The following ZDHHC2 variants were observed in gnomAD, a reference collection of about 807,000 sequenced individuals.
ZDHHC2 encodes zDHHC palmitoyltransferase 2, also known as palmitoyltransferase ZDHHC2.
ZDHHC2 carries 51 observed loss-of-function variants against 55.6 expected under a neutral mutation model. The ratio of observed to expected loss-of-function variants is 0.92; its 90% confidence interval spans 0.73 to 1.16. The LOEUF is 1.16. Among genes scored for constraint, ZDHHC2 ranks in the 50% most tolerant of loss-of-function variants. ZDHHC2 has a pLI of 0.00. For missense variants in ZDHHC2, 491 were observed against 442.4 expected (o/e 1.11, Z -0.99); for synonymous variants, 199 against 152.9 (o/e 1.30, Z -2.22).
At position 17,190,233 on chromosome 8, in the gene ZDHHC2, G is replaced by A. The variant is rs908773112; in HGVS notation, c.252+3808G>A. Among the ~76,000 whole-genome samples, 3 of 151,502 alleles carry A rather than the reference G, an allele frequency of 2.0e-5. No individual in the cohort carries two copies. The South Asian group carries it at 6.3e-4, about 32-fold the overall frequency. ...ATCGCACCACTGCACTCCAGCCTGG[G>A]CGACAGATCGACACTCCGTCTCAAA... On this transcript the variant is annotated intron_variant, in intron 3 of 12. Coordinates refer to ENST00000262096, the MANE Select transcript of ZDHHC2 (RefSeq NM_016353.5).
intron 3 of ZDHHC2, among the ~76,000 whole-genome samples, chr8:17,187,026 C>G (rs1254281301): frequency 1.3e-5 from 2 of 152,210 alleles, no homozygotes; most frequent in Admixed American, 1.3e-4. Context: ...TCCTCCTCTT[C>G]AAGAACACTT....
At position 17,195,567 on chromosome 8, in the gene ZDHHC2, G is replaced by A; in HGVS notation, c.316G>A (p.Glu106Lys). Reference sequence around the variant, plus strand: ...AGAGCCAAGAGGAGAAGCCCATCAGGAAGTTCTTAGGCGAGCAGCCAAGGA... The same window carrying A: ...AGAGCCAAGAGGAGAAGCCCATCAGAAAGTTCTTAGGCGAGCAGCCAAGGA... The part of the protein sequence containing the change: ...EREPRGEAHQ[E>K]VLRRAAKDLP... Residue 106 changes from glutamate to lysine, a missense_variant, in exon 4 of 13, where the codon GAA becomes AAA. Physicochemically the swap from Glu to Lys is moderately conservative, Grantham distance 56. Transcript: ENST00000262096. 1.9e-6 allele frequency: 3 copies of A among 1,613,956 alleles called. No homozygotes were observed. In the East Asian group the frequency reaches 6.7e-5, roughly 36 times the overall value.
intron 6 of ZDHHC2, among the ~76,000 whole-genome samples, chr8:17,203,046 C>A (rs559634945): frequency 6.8e-6 from 1 of 147,108 alleles, no homozygotes; most frequent in Non-Finnish European, 1.5e-5. Flanking sequence ...ATTATTTACA[C>A]CCATGTTGTC....
intron 6 of ZDHHC2, among the ~76,000 whole-genome samples, chr8:17,201,392 T>C (rs1341991182): frequency 6.6e-6 from 1 of 150,826 alleles, no homozygotes; most frequent in African/African-American, 2.4e-5. Flanking sequence ...TTCTACAGGC[T>C]TTGTGTGAAT....
At chr8:17,211,150 T>A (rs535961706) in intron 10 of ZDHHC2, among the ~76,000 whole-genome samples, 1 of 152,228 alleles carries the variant, frequency 6.6e-6, no homozygotes, top group East Asian at 1.9e-4. Flanking sequence ...AAAGGAAAAG[T>A]TACTTAAACT....
In ZDHHC2 at chr8:17,223,595, CAA is replaced by C. The variant is rs1334347002; in HGVS notation, c.*3376_*3377del. 2.6e-5 allele frequency: 4 copies of C among 151,948 alleles called. No individual in the cohort carries two copies. The East Asian group carries it at 7.7e-4, about 29-fold the overall frequency. The allele number at this position is 151,948 out of a possible 1,614,324, so 9.4% of individuals were successfully genotyped here. ...ACATACCTGAAGTATTACTCTTTTACAAAGATACCATTAGAATTTTCTCACTG... is the reference window on the plus strand; with the variant it reads ...ACATACCTGAAGTATTACTCTTTTACAGATACCATTAGAATTTTCTCACTG... On this transcript the variant is annotated 3_prime_UTR_variant, in exon 13 of 13. Coordinates refer to ENST00000262096, the MANE Select transcript of ZDHHC2 (RefSeq NM_016353.5).
chr8:17,210,883 C>A (rs980900880), intron 10 of ZDHHC2, among the ~76,000 whole-genome samples: 1 of 152,076 alleles, frequency 6.6e-6, no homozygotes, highest in Non-Finnish European at 1.5e-5. Flanking sequence ...AAACTTGAGG[C>A]TTTTGGAGAT....
At chr8:17,186,274 C>A in intron 2 of ZDHHC2, 57 bp from the exon 3 acceptor site, 1 of 1,167,322 alleles carries the variant, frequency 8.6e-7, no homozygotes, top group South Asian at 1.4e-5. Flanking sequence ...TTGTGACTGT[C>A]ATAATTTTAG....
intron 1 of ZDHHC2, among the ~76,000 whole-genome samples, chr8:17,165,977 G>A (rs1283787852): frequency 6.6e-6 from 1 of 152,206 alleles, no homozygotes; most frequent in African/African-American, 2.4e-5. Flanking sequence ...TGGCTGAAGT[G>A]TAGTGAGCAA....
chr8:17,194,334 A>G (rs1806195151), intron 3 of ZDHHC2, among the ~76,000 whole-genome samples: 1 of 143,038 alleles, frequency 7.0e-6, no homozygotes, highest in African/African-American at 2.7e-5. Context: ...TACAAAATAT[A>G]TAAATATATA....
At chr8:17,157,930 G>A (rs1804144863) in intron 1 of ZDHHC2, among the ~76,000 whole-genome samples, 1 of 152,192 alleles carries the variant, frequency 6.6e-6, no homozygotes, top group South Asian at 2.1e-4. Flanking sequence ...AATCTTGTCT[G>A]AAGCCATCTT....
chr8:17,156,962 C>T, intron 1 of ZDHHC2, 109 bp downstream of exon 1: 3 of 1,055,564 alleles, frequency 2.8e-6, no homozygotes, highest in Non-Finnish European at 3.8e-6. Context: ...GCCCCGGGCG[C>T]TGCCAACCTG....
chr8:17,176,634 A>G (rs1027321838), intron 1 of ZDHHC2, among the ~76,000 whole-genome samples: 1 of 152,146 alleles, frequency 6.6e-6, no homozygotes, highest in African/African-American at 2.4e-5. Flanking sequence ...GTCTCCTACC[A>G]CCCAGTTCAC....
In ZDHHC2 at chr8:17,224,799, A is replaced by G. The variant is rs1808061797; in HGVS notation, c.*4578A>G. On this transcript the variant is annotated 3_prime_UTR_variant, in exon 13 of 13. Coordinates refer to ENST00000262096, the MANE Select transcript of ZDHHC2 (RefSeq NM_016353.5). ...TCTTAAATGAACTAATCAAACACTT[A>G]TTGTGTGAAAGCTGAATACTTTAAA... 6.6e-6 allele frequency: 1 copy of G among 151,714 alleles called. No homozygotes were observed. The allele number at this position is 151,714 out of a possible 1,614,324, so 9.4% of individuals were successfully genotyped here.
chr8:17,206,349 A>G (rs887418618), intron 7 of ZDHHC2, among the ~76,000 whole-genome samples: 1 of 152,190 alleles, frequency 6.6e-6, no homozygotes, highest in Non-Finnish European at 1.5e-5. Context: ...GGTGCGTTTA[A>G]GTAGAAACAC....
intron 11 of ZDHHC2, 104 bp from the exon 12 acceptor site, chr8:17,217,068 C>CT: frequency 9.0e-7 from 1 of 1,106,856 alleles, no homozygotes; most frequent in Non-Finnish European, 1.3e-6. Context: ...TACAAGGCAC[C>CT]TTTGGAAGTC....
At chr8:17,203,661 C>A (rs1806929724) in intron 6 of ZDHHC2, among the ~76,000 whole-genome samples, 1 of 152,150 alleles carries the variant, frequency 6.6e-6, no homozygotes, top group Non-Finnish European at 1.5e-5. Flanking sequence ...TAGGCTGTTT[C>A]CAGTATTATT....
intron 1 of ZDHHC2, among the ~76,000 whole-genome samples, chr8:17,175,053 T>G (rs1206489072): frequency 3.3e-5 from 5 of 152,160 alleles, no homozygotes; most frequent in Non-Finnish European, 7.3e-5. Context: ...CAGGAAAAGG[T>G]TGCCAGTAAT....
intron 6 of ZDHHC2, among the ~76,000 whole-genome samples, chr8:17,201,665 GT>G (rs67135015): frequency 0.63 from 81,398 of 129,870 alleles, 26,526 homozygotes; most frequent in Non-Finnish European, 0.74. Flanking sequence ...ACGGTTTTTG[GT>G]TTTTTTTTTT....
Sources: gnomAD v4.1 joint callset for allele counts (sites outside exome capture counted in the v4.1 genomes callset) on GRCh38, gnomAD v4.1.1 for gene constraint, MANE v1.5 for transcripts, NCBI Gene and HGNC (gene_info 2026-07-23, HGNC 2026-07-21) for gene names.